Variants in SLC4A4 observed in about 807,000 individuals in gnomAD.
SLC4A4 encodes solute carrier family 4 member 4, also known as electrogenic sodium bicarbonate cotransporter 1.
SLC4A4 carries 27 observed loss-of-function variants against 111.5 expected under a neutral mutation model. The ratio of observed to expected loss-of-function variants is 0.24; its 90% CI spans 0.18 to 0.33. The LOEUF is 0.33. SLC4A4 is among the 10% of genes least tolerant of loss of function. The pLI is 1.00. For missense variants in SLC4A4, 909 were observed against 1,315.5 expected, an observed-to-expected ratio of 0.69 and a Z score of 4.78; for synonymous variants, 443 against 463.4, an observed-to-expected ratio of 0.96 and a Z score of 0.57.
chr4:71,216,949 A>G (rs1718467620), intron 1 of SLC4A4, among the ~76,000 whole-genome samples: 1 of 152,200 alleles, frequency 6.6e-6, no homozygotes, highest in Admixed American at 6.5e-5. Flanking sequence ...CAACTGAACA[A>G]TGTGGGTATT....
intron 2 of SLC4A4, among the ~76,000 whole-genome samples, chr4:71,150,577 G>C (rs1744287912): frequency 6.6e-6 from 1 of 152,204 alleles, no homozygotes; most frequent in African/African-American, 2.4e-5. Context: ...TGCTATAAAG[G>C]TGCTGCCATT....
chr4:71,339,159 C>T, intron 3 of SLC4A4: 1 of 1,613,080 alleles, frequency 6.2e-7, no homozygotes, highest in Non-Finnish European at 8.5e-7. Flanking sequence ...TGGTGGAGAA[C>T]CAAGATACAG....
chr4:71,515,975 T>G (rs1732341191), intron 16 of SLC4A4, among the ~76,000 whole-genome samples: 1 of 151,844 alleles, frequency 6.6e-6, no homozygotes, highest in Non-Finnish European at 1.5e-5. Flanking sequence ...AAGTTATTAT[T>G]TATATGTGAG....
chr4:71,504,308 T>A (rs1731196903), intron 16 of SLC4A4, among the ~76,000 whole-genome samples: 1 of 152,166 alleles, frequency 6.6e-6, no homozygotes, highest in African/African-American at 2.4e-5. Context: ...TTTATTCACT[T>A]AATTCTTATT....
Position 71,555,224 on chromosome 4 carries a change from G to C in SLC4A4, c.2763+16G>C, listed in dbSNP as rs1410609954. The C allele has an allele frequency of 2.6e-6, 4 of 1,531,300 alleles. No individual in the cohort carries two copies. The highest frequency in any genetic ancestry group is 3.6e-6 in the Non-Finnish European group (4 of 1,105,322). 94.9% of individuals were successfully genotyped at this position (1,531,300 alleles called of 1,614,324 possible). A position where few individuals can be genotyped will look rare whatever the true frequency, so the allele number is the denominator to read the frequency against. ...TGGTGTGCAGGTAAGTTTTTGAATA[G>C]CAATGTAAGTACAGTAGTGTTTTTC... On this transcript the variant is annotated intron_variant, in intron 21 of 25. Coordinates refer to ENST00000264485, the MANE Select transcript of SLC4A4 (RefSeq NM_001098484.3).
chr4:71,439,200 G>A (rs965497038), intron 7 of SLC4A4, among the ~76,000 whole-genome samples: 3 of 151,362 alleles, frequency 2.0e-5, no homozygotes, highest in Admixed American at 1.3e-4. Context: ...AGGCTGAGGC[G>A]GGTGGATCCC....
rs989177895 is a variant in SLC4A4, at chr4:71,068,103, C to T, written c.-65+5315C>T. Among the ~76,000 whole-genome samples the T allele has an allele frequency of 1.0e-4, 12 of 115,366 alleles. 1 individual carries two copies. Among genetic ancestry groups the T allele is most frequent in the East Asian group, 2.6e-4 (1 of 3,828 alleles). 75.7% of individuals were successfully genotyped at this position (115,366 alleles called of 152,430 possible). ...TTTTGAGATGGAGTTTTGCTCTTGT[C>T]GCCCAGGCTGGGGTGCAGTGGCATG... On this transcript the variant is annotated intron_variant, in intron 1 of 26. Coordinates refer to the SLC4A4 transcript ENST00000649996.
intron 1 of SLC4A4, among the ~76,000 whole-genome samples, chr4:71,228,782 G>A (rs1719213228): frequency 6.6e-6 from 1 of 152,170 alleles, no homozygotes; most frequent in Admixed American, 6.5e-5. Flanking sequence ...TATACAGAGA[G>A]GTTACTGGTG....
intron 3 of SLC4A4, among the ~76,000 whole-genome samples, chr4:71,299,644 A>C (rs1466894008): frequency 6.6e-6 from 1 of 152,132 alleles, no homozygotes; most frequent in Non-Finnish European, 1.5e-5. Flanking sequence ...TCCAGAACAA[A>C]GGCTTGATTT....
chr4:71,244,985 T>G (rs1720541379), intron 2 of SLC4A4, among the ~76,000 whole-genome samples: 1 of 152,062 alleles, frequency 6.6e-6, no homozygotes, highest in Non-Finnish European at 1.5e-5. Context: ...CATACGTAGG[T>G]GAGTTTACAT....
intron 1 of SLC4A4, among the ~76,000 whole-genome samples, chr4:71,067,804 G>A (rs116072573): frequency 0.018 from 2,782 of 151,666 alleles, 96 homozygotes; most frequent in African/African-American, 0.064. Flanking sequence ...TCTAGAGTGC[G>A]CTGGTATGAT....
At chr4:71,168,979 G>A (rs1744862409) in intron 2 of SLC4A4, among the ~76,000 whole-genome samples, 1 of 151,682 alleles carries the variant, frequency 6.6e-6, no homozygotes, top group Non-Finnish European at 1.5e-5. Flanking sequence ...CCTAGGAGTG[G>A]GATTGCTGAA....
intron 1 of SLC4A4, chr4:71,236,234 AT>A (rs34835011): frequency 0.03 from 27,902 of 928,488 alleles, no homozygotes; most frequent in South Asian, 0.041. Context: ...CTCTCTTGGT[AT>A]TTTTTTTTTT....
intron 18 of SLC4A4, among the ~76,000 whole-genome samples, chr4:71,539,497 G>A (rs953558411): frequency 4.6e-5 from 7 of 152,082 alleles, no homozygotes; most frequent in African/African-American, 2.4e-5. Context: ...TTCCTTAAGC[G>A]TGACAGTTTC....
At position 71,491,846 on chromosome 4, in the gene SLC4A4, T is replaced by C. The variant is rs1329322520; in HGVS notation, c.1974+4828T>C. Among the ~76,000 whole-genome samples the C allele has an allele frequency of 2.0e-5, 3 of 152,018 alleles. No individual in the cohort carries two copies. In the East Asian group the frequency reaches 5.8e-4, roughly 30 times the overall value. ...ACTCTTGCTTATAGTGATTAGCCTATGGTAAAACTGGTGGTTATACATTCA... is the reference window on the plus strand; with the variant it reads ...ACTCTTGCTTATAGTGATTAGCCTACGGTAAAACTGGTGGTTATACATTCA... On this transcript the variant is annotated intron_variant, in intron 15 of 25. Transcript: ENST00000264485.
chr4:71,394,255 T>C (rs1482012562), intron 6 of SLC4A4, among the ~76,000 whole-genome samples: 1 of 151,794 alleles, frequency 6.6e-6, no homozygotes, highest in Non-Finnish European at 1.5e-5. Context: ...ATTCTACACA[T>C]CTGACAGAGG....
chr4:71,293,121 G>T (rs1375988629), intron 3 of SLC4A4, among the ~76,000 whole-genome samples: 1 of 151,034 alleles, frequency 6.6e-6, no homozygotes, highest in Non-Finnish European at 1.5e-5. Flanking sequence ...GATTACAGGC[G>T]TGAGCCACCG....
chr4:71,208,004 C>G (rs1394469859), intron 1 of SLC4A4, among the ~76,000 whole-genome samples: 3 of 152,156 alleles, frequency 2.0e-5, no homozygotes, highest in Non-Finnish European at 4.4e-5. Flanking sequence ...GAGACAGGGT[C>G]TTGCTTGTTG....
At chr4:71,141,301 G>A (rs575934395) in intron 2 of SLC4A4, among the ~76,000 whole-genome samples, 28 of 152,178 alleles carry the variant, frequency 1.8e-4, no homozygotes, top group Non-Finnish European at 3.1e-4. Flanking sequence ...CAGTGATCAT[G>A]TGACCTGCTT....
Sources: allele counts gnomAD v4.1 joint callset (sites outside exome capture counted in the v4.1 genomes callset), GRCh38; gene constraint gnomAD v4.1.1; transcripts MANE v1.5; gene names NCBI Gene and HGNC (gene_info 2026-07-23, HGNC 2026-07-21).